CYFIP2: variants seen among roughly 807,000 people sequenced by gnomAD.
CYFIP2 encodes the protein cytoplasmic FMR1-interacting protein 2.
CYFIP2 carries 29 observed loss-of-function variants against 158.7 expected under a neutral mutation model. That is an observed-to-expected ratio of 0.18 (90% CI 0.14 to 0.25). The LOEUF is 0.25. CYFIP2 is among the 10% of genes least tolerant of loss of function. The probability of loss-of-function intolerance (pLI) is 1.00; values close to 1 mark genes in which losing one functional copy is unlikely to be tolerated. For synonymous variants in CYFIP2, 585 were observed against 617.6 expected, an observed-to-expected ratio of 0.95 and a Z score of 0.78; for missense variants, 852 against 1,639.5, an observed-to-expected ratio of 0.52 and a Z score of 8.29.
chr5:157,329,519 C>G (rs1761280227), intron 19 of CYFIP2, among the ~76,000 whole-genome samples: 1 of 152,180 alleles, frequency 6.6e-6, no homozygotes, highest in African/African-American at 2.4e-5. Flanking sequence ...CAGTCCTGTT[C>G]ATTCAAAATG....
intron 1 of CYFIP2, among the ~76,000 whole-genome samples, chr5:157,272,669 C>G (rs1756204518): frequency 6.6e-6 from 1 of 152,048 alleles, no homozygotes; most frequent in African/African-American, 2.4e-5. Flanking sequence ...TACACCATCT[C>G]CCTCCCTCCC....
chr5:157,369,175 G>A (rs985732841), intron 26 of CYFIP2, among the ~76,000 whole-genome samples: 32 of 152,050 alleles, frequency 2.1e-4, no homozygotes, highest in African/African-American at 7.2e-4. Context: ...TAGGATTATA[G>A]GCATGAGCCA....
intron 15 of CYFIP2, among the ~76,000 whole-genome samples, chr5:157,322,790 G>A (rs1037331701): frequency 5.3e-5 from 8 of 152,204 alleles, no homozygotes; most frequent in East Asian, 3.8e-4. Flanking sequence ...AGGTTGGAGT[G>A]TCTCAGAGGT....
In CYFIP2 at chr5:157,393,170, C is replaced by T. The variant is rs1767480244; in HGVS notation, c.*170C>T. The stretch of plus-strand genomic sequence containing the variant: ...AGGGCGGGGCCTGTGCATGCTCTCC[C>T]ATGACATCTCCATGCTGGTTTCTCC... On this transcript the variant is annotated 3_prime_UTR_variant, in exon 31 of 31. Coordinates refer to ENST00000620254, the MANE Select transcript of CYFIP2 (RefSeq NM_001037333.3). 2 of 532,600 alleles carry T rather than the reference C, an allele frequency of 3.8e-6. No homozygotes were observed. Among genetic ancestry groups the T allele is most frequent in the Non-Finnish European group, 6.3e-6 (2 of 315,554 alleles). The allele number at this position is 532,600 out of a possible 1,614,324, so 33.0% of individuals were successfully genotyped here.
chr5:157,311,809 G>T lies in CYFIP2; in HGVS notation c.1110+28G>T. On this transcript the variant is annotated intron_variant, in intron 11 of 30. Transcript: ENST00000620254. This position sits in a 1 kb window ranked among gnomAD's most constrained non-coding sequence, Gnocchi z 4.7. ...GAGCATGCAGGCTGCTGGGGCACAG[G>T]CCCGTGGGCCCAGGGCCAGAAGGGG... The T allele has an allele frequency of 3.2e-6, 5 of 1,564,926 alleles. No individual in the cohort carries two copies. The highest frequency in any genetic ancestry group is 4.3e-6 in the Non-Finnish European group (5 of 1,152,968).
chr5:157,276,005 A>G (rs79078128), intron 1 of CYFIP2, among the ~76,000 whole-genome samples: 1 of 152,200 alleles, frequency 6.6e-6, no homozygotes, highest in African/African-American at 2.4e-5. Flanking sequence ...ATTGTATCCT[A>G]CAAACTTGCT....
intron 13 of CYFIP2, among the ~76,000 whole-genome samples, chr5:157,318,524 G>T (rs1034264065): frequency 6.6e-6 from 1 of 152,112 alleles, no homozygotes; most frequent in Non-Finnish European, 1.5e-5. Context: ...TGTACTGTTG[G>T]TGCCAATGAA....
chr5:157,318,274 C>G (rs1344676493), intron 13 of CYFIP2, among the ~76,000 whole-genome samples: 1 of 152,188 alleles, frequency 6.6e-6, no homozygotes, highest in East Asian at 1.9e-4. Flanking sequence ...GGGGTTTCAG[C>G]TAAGAAATCT....
At chr5:157,346,720 G>A (rs1490056822) in intron 23 of CYFIP2, among the ~76,000 whole-genome samples, 1 of 152,200 alleles carries the variant, frequency 6.6e-6, no homozygotes, top group East Asian at 1.9e-4. Flanking sequence ...GGAATCTAAT[G>A]CAGCACTGCT....
At chr5:157,360,852 G>T (rs62387470) in intron 25 of CYFIP2, among the ~76,000 whole-genome samples, 15,757 of 152,178 alleles carry the variant, frequency 0.1, 1,166 homozygotes, top group East Asian at 0.26. Context: ...AACAGGGCCT[G>T]GAGAAGAGGG....
At chr5:157,391,696 G>A (rs866170058) in intron 30 of CYFIP2, among the ~76,000 whole-genome samples, 3 of 152,124 alleles carry the variant, frequency 2.0e-5, no homozygotes, top group Admixed American at 1.3e-4. Flanking sequence ...TCACCTTTTG[G>A]GTATTTTTGA....
intron 28 of CYFIP2, among the ~76,000 whole-genome samples, chr5:157,386,351 G>A (rs988188390): frequency 2.0e-5 from 3 of 151,990 alleles, no homozygotes; most frequent in African/African-American, 7.3e-5. Context: ...CCGAGAAGCT[G>A]GGATGACAGG....
intron 26 of CYFIP2, among the ~76,000 whole-genome samples, chr5:157,369,741 C>T (rs944586152): frequency 2.0e-5 from 3 of 152,176 alleles, no homozygotes; most frequent in African/African-American, 7.2e-5. Context: ...TGGACATCGC[C>T]AAGCACCAGG....
chr5:157,382,553 A>C, intron 26 of CYFIP2, 37 bp from the exon 27 acceptor site: 8 of 1,610,650 alleles, frequency 5.0e-6, no homozygotes, highest in Non-Finnish European at 6.8e-6. Flanking sequence ...GTTTAAAATG[A>C]AAATTGTTTT....
intron 23 of CYFIP2, among the ~76,000 whole-genome samples, chr5:157,355,988 T>C (rs1332670625): frequency 1.3e-5 from 2 of 152,250 alleles, no homozygotes; most frequent in Non-Finnish European, 2.9e-5. Flanking sequence ...GAAGGTGAAT[T>C]AAGCTATGAC....
intron 26 of CYFIP2, among the ~76,000 whole-genome samples, chr5:157,367,390 TCATCTAGTGCAAC>T (rs1342941113): frequency 6.6e-6 from 1 of 152,200 alleles, no homozygotes; most frequent in African/African-American, 2.4e-5. Flanking sequence ...TGGAAACTGC[TCATCTAGTGCAAC>T]CTCAAATTTT....
chr5:157,289,147 C>G lies in CYFIP2; in HGVS notation c.207+2039C>G, dbSNP rs148719337. On this transcript the variant is annotated intron_variant, in intron 3 of 30. Transcript: ENST00000620254. ...CAACCAGTAAATCACAGGACTGGAC[C>G]TGAAATCCAGGACTGATTGCCAGTC... Among the ~76,000 whole-genome samples the G allele has an allele frequency of 2.6e-5, 4 of 152,286 alleles. No homozygotes were observed. The East Asian group carries it at 7.7e-4, about 29-fold the overall frequency.
intron 26 of CYFIP2, among the ~76,000 whole-genome samples, chr5:157,362,317 G>A (rs1763910432): frequency 6.6e-6 from 1 of 152,182 alleles, no homozygotes; most frequent in Non-Finnish European, 1.5e-5. Context: ...AGGTCTGCAT[G>A]CATGCCAGCA....
chr5:157,298,387 G>A (rs897566320), intron 5 of CYFIP2, among the ~76,000 whole-genome samples: 4 of 151,854 alleles, frequency 2.6e-5, no homozygotes, highest in Admixed American at 6.6e-5. Context: ...GCTGGAGTGC[G>A]GTGACACTAT....
Sources: gnomAD v4.1 joint callset for allele counts (sites outside exome capture counted in the v4.1 genomes callset) on GRCh38, gnomAD v4.1.1 for gene constraint, Gnocchi (gnomAD v3.1) non-coding constraint, MANE v1.5 for transcripts, NCBI Gene and HGNC (gene_info 2026-07-23, HGNC 2026-07-21) for gene names.